Variants in SIRT3 observed in about 807,000 individuals in gnomAD.
SIRT3 encodes sirtuin 3, also known as NAD-dependent protein deacetylase sirtuin-3, mitochondrial.
In SIRT3, 26 loss-of-function variants were observed where a neutral mutation model predicts 33.5. The observed-to-expected ratio is 0.78, with a 90% CI of 0.57 to 1.08. The LOEUF is 1.08. Ranked by LOEUF, SIRT3 falls within the 50% of genes least tolerant of loss-of-function variation. SIRT3 has a pLI of 0.00. For missense variants in SIRT3, 585 were observed against 530.1 expected (o/e 1.10, Z -1.02); for synonymous variants, 237 against 222.1 (o/e 1.07, Z -0.60).
Position 215,971 on chromosome 11 carries a change from G to C in SIRT3, c.*727C>G, listed in dbSNP as rs1367755551. The C allele has an allele frequency of 6.6e-6, 1 of 152,470 alleles. No individual in the cohort carries two copies. Among genetic ancestry groups the C allele is most frequent in the Non-Finnish European group, 1.5e-5 (1 of 68,102 alleles). 9.4% of individuals were successfully genotyped at this position (152,470 alleles called of 1,614,324 possible). A position where few individuals can be genotyped will look rare whatever the true frequency, so the allele number is the denominator to read the frequency against. ...TTCTGGAACAGATCTGTTTCTGGAG[G>C]AGAGGCTGAGTATGGAGAGTCAACA... is the stretch of plus-strand genomic sequence containing the variant. On this transcript the variant is annotated 3_prime_UTR_variant, in exon 7 of 7. Coordinates refer to ENST00000382743, the MANE Select transcript of SIRT3 (RefSeq NM_012239.6).
In SIRT3 at chr11:219,008, G is replaced by T. The variant is rs202066094; in HGVS notation, c.1003C>A (p.Arg335=). The T allele has an allele frequency of 6.2e-7, 1 of 1,613,858 alleles. No homozygotes were observed. Among genetic ancestry groups the T allele is most frequent in the South Asian group, 1.1e-5 (1 of 91,056 alleles). ...ATGAGCAGTCGGGGAACTGAGCTCC[G>T]CACGGCCTCGGTCAAGCTGGCAAAA... The part of the protein sequence containing the change: ...EPFASLTEAV[R]SSVPRLLINR... The change falls in exon 6 of 7, where the codon CGG becomes AGG. Residue 335 remains arginine (R), a synonymous_variant. Transcript: ENST00000382743.
intron 6 of SIRT3, 63 bp from the exon 7 acceptor site, chr11:216,781 C>A (rs1378938039): frequency 6.4e-7 from 1 of 1,574,010 alleles, no homozygotes; most frequent in Admixed American, 1.7e-5. Context: ...GCCAGCAGAT[C>A]TCTGTTCAAA....
At chr11:231,416 C>G (rs1478983915) in intron 3 of SIRT3, among the ~76,000 whole-genome samples, 1 of 152,220 alleles carries the variant, frequency 6.6e-6, no homozygotes, top group Non-Finnish European at 1.5e-5. Flanking sequence ...GCCTGGGCAA[C>G]AGAGCCAAGA....
chr11:234,174 G>A (rs543187801), intron 1 of SIRT3, among the ~76,000 whole-genome samples: 299 of 152,330 alleles, frequency 2.0e-3, no homozygotes, highest in Non-Finnish European at 1.8e-3. Flanking sequence ...TGGAACATAC[G>A]TAAGATGTAT....
chr11:216,449 G>A lies in SIRT3; in HGVS notation c.*249C>T, dbSNP rs921709537. On this transcript the variant is annotated 3_prime_UTR_variant, in exon 7 of 7. Transcript: ENST00000382743. Reference sequence around the variant, plus strand: ...ATTAGGAGCTTCAGCAGAGTGAAGAGTTCAACACAGCAAACAGGCAGGCAG... The same window carrying A: ...ATTAGGAGCTTCAGCAGAGTGAAGAATTCAACACAGCAAACAGGCAGGCAG... 1 of 537,864 alleles carries A rather than the reference G, an allele frequency of 1.9e-6. No homozygotes were observed. The highest frequency in any genetic ancestry group is 3.5e-5 in the Admixed American group (1 of 28,942). 33.3% of individuals were successfully genotyped at this position (537,864 alleles called of 1,614,324 possible). A position where few individuals can be genotyped will look rare whatever the true frequency, so the allele number is the denominator to read the frequency against.
At chr11:230,421 C>T in intron 4 of SIRT3, 31 bp downstream of exon 4, 1 of 1,340,802 alleles carries the variant, frequency 7.5e-7, no homozygotes. Flanking sequence ...CAGCAAACTG[C>T]AGAAGGACAA....
At chr11:235,286 G>C (rs1271728339) in intron 1 of SIRT3, among the ~76,000 whole-genome samples, 1 of 151,946 alleles carries the variant, frequency 6.6e-6, no homozygotes, top group East Asian at 1.9e-4. Flanking sequence ...GCTCACTGCA[G>C]CCTTGAACTC....
In SIRT3 at chr11:233,175, CG is replaced by C; in HGVS notation, c.513del (p.Tyr171Ter). 1.2e-6 allele frequency: 2 copies of C among 1,614,040 alleles called. No homozygotes were observed. The highest frequency in any genetic ancestry group is 8.5e-7 in the Non-Finnish European group (1 of 1,179,996). ...GSGLYSNLQQYDLPYPEAIFE... is the reference protein window; with the variant it reads ...GSGLYSNLQQXDLPYPEAIFE... Reference sequence around the variant, plus strand: ...AAAATGGCCTCGGGGTACGGGAGATCGTACTGCTGGAGGTTGCTGTACAGGC... The same window carrying C: ...AAAATGGCCTCGGGGTACGGGAGATCTACTGCTGGAGGTTGCTGTACAGGC... On this transcript the variant is annotated frameshift_variant, in exon 3 of 7. Transcript: ENST00000382743. LOFTEE classifies it high-confidence loss of function.
At chr11:235,619 A>C (rs1056098) in intron 1 of SIRT3, among the ~76,000 whole-genome samples, 5,324 of 152,290 alleles carry the variant, frequency 0.035, 285 homozygotes, top group African/African-American at 0.12. Flanking sequence ...ATGGACCTTA[A>C]GATTTTTTCC....
intron 4 of SIRT3, among the ~76,000 whole-genome samples, chr11:229,779 T>C (rs1451345000): frequency 6.6e-6 from 1 of 151,646 alleles, no homozygotes; most frequent in African/African-American, 2.4e-5. Flanking sequence ...TAAATAAATA[T>C]AGCTAAACGT....
At chr11:226,037 G>C (rs150445757) in intron 4 of SIRT3, 2 of 152,216 alleles carry the variant, frequency 1.3e-5, no homozygotes, top group African/African-American at 4.8e-5. Flanking sequence ...GAGTGGTTAC[G>C]TACTTGTGAG....
chr11:225,414 AAAAC>A (rs1857042341), intron 4 of SIRT3, among the ~76,000 whole-genome samples: 1 of 105,186 alleles, frequency 9.5e-6, no homozygotes, highest in Admixed American at 9.2e-5. Flanking sequence ...TCTGTCTCAA[AAAAC>A]AAAACAAAAC....
At chr11:225,726 A>C (rs1350882916) in intron 4 of SIRT3, 2 of 152,266 alleles carry the variant, frequency 1.3e-5, no homozygotes, top group Non-Finnish European at 2.9e-5. Context: ...GATCAGGAAC[A>C]GCAGGAGAGA....
At chr11:230,285 G>C (rs1276059389) in intron 4 of SIRT3, among the ~76,000 whole-genome samples, 167 bp downstream of exon 4, 1 of 150,858 alleles carries the variant, frequency 6.6e-6, no homozygotes, top group Non-Finnish European at 1.5e-5. Context: ...TTTCTATATT[G>C]TCTTAAATTT....
At chr11:231,650 G>A (rs1222230394) in intron 3 of SIRT3, among the ~76,000 whole-genome samples, 5 of 152,150 alleles carry the variant, frequency 3.3e-5, no homozygotes, top group Non-Finnish European at 7.4e-5. Context: ...AGTCCCTGTC[G>A]CTGCCCTAAC....
At chr11:217,705 T>C (rs907854934) in intron 6 of SIRT3, among the ~76,000 whole-genome samples, 1 of 152,242 alleles carries the variant, frequency 6.6e-6, no homozygotes, top group African/African-American at 2.4e-5. Context: ...CCCTGAGCCA[T>C]GAGGCAGCCA....
intron 1 of SIRT3, among the ~76,000 whole-genome samples, chr11:235,172 G>A (rs914364955): frequency 2.0e-5 from 3 of 150,852 alleles, no homozygotes; most frequent in African/African-American, 2.5e-5. Flanking sequence ...TACCGCGCCC[G>A]GCCAACTCTT....
intron 2 of SIRT3, 27 bp from the exon 3 acceptor site, chr11:233,242 G>A (rs758464771): frequency 1.2e-6 from 2 of 1,608,350 alleles, no homozygotes; most frequent in East Asian, 4.5e-5. Flanking sequence ...AAGGCTCTGA[G>A]GCCTTTGGAA....
intron 5 of SIRT3, chr11:222,968 A>T (rs1465547078): frequency 6.6e-6 from 1 of 152,114 alleles, no homozygotes; most frequent in Non-Finnish European, 1.5e-5. Flanking sequence ...CTCCTAACAA[A>T]CTATATAACT....
Sources: gnomAD v4.1 joint callset for allele counts (sites outside exome capture counted in the v4.1 genomes callset) on GRCh38, gnomAD v4.1.1 for gene constraint, MANE v1.5 for transcripts, NCBI Gene and HGNC (gene_info 2026-07-23, HGNC 2026-07-21) for gene names.